DMRT1: variants seen among roughly 807,000 people sequenced by gnomAD.
DMRT1 encodes doublesex and mab-3 related transcription factor 1, also known as doublesex- and mab-3-related transcription factor 1.
In DMRT1, 7 loss-of-function variants were observed where a neutral mutation model predicts 32.3. The observed-to-expected ratio is 0.22, with a 90% confidence interval of 0.12 to 0.41. The LOEUF (loss-of-function observed/expected upper bound fraction) is 0.41. Among genes scored for constraint, DMRT1 ranks in the 10% least tolerant of loss-of-function variants. The probability of loss-of-function intolerance (pLI) is 1.00; values close to 1 mark genes in which losing one functional copy is unlikely to be tolerated. For synonymous variants in DMRT1, 278 were observed against 206.1 expected, an observed-to-expected ratio of 1.35 and a Z score of -2.99; for missense variants, 625 against 500.5, an observed-to-expected ratio of 1.25 and a Z score of -2.37.
intron 3 of DMRT1, chr9:894,484 AATTTTACTTTTCTC>A (rs1195545396): frequency 4.2e-6 from 2 of 474,894 alleles, no homozygotes. Context: ...TTCTTTTTCA[AATTTTACTTTTCTC>A]ATTTTTTGAA....
intron 2 of DMRT1, among the ~76,000 whole-genome samples, chr9:863,834 G>C (rs948952785): frequency 6.6e-6 from 1 of 152,274 alleles, no homozygotes; most frequent in Admixed American, 6.5e-5. Flanking sequence ...ATGTTTAAAG[G>C]CCATTTGTAT....
At chr9:848,195 T>C (rs1458328452) in intron 2 of DMRT1, among the ~76,000 whole-genome samples, 2 of 152,212 alleles carry the variant, frequency 1.3e-5, no homozygotes, top group Non-Finnish European at 2.9e-5. Flanking sequence ...TTAAGCACTG[T>C]GTACTAAAGT....
chr9:921,669 A>G (rs1564252643), intron 4 of DMRT1, among the ~76,000 whole-genome samples: 4 of 152,162 alleles, frequency 2.6e-5, no homozygotes, highest in Admixed American at 2.0e-4. Flanking sequence ...ATTTAAAAAA[A>G]CAGTTTCCAG....
intron 2 of DMRT1, among the ~76,000 whole-genome samples, chr9:879,368 T>C (rs1816639562): frequency 6.6e-6 from 1 of 152,172 alleles, no homozygotes; most frequent in Admixed American, 6.5e-5. Flanking sequence ...TCAATAAAAA[T>C]TACTACATTT....
At chr9:853,880 C>T (rs75562184) in intron 2 of DMRT1, among the ~76,000 whole-genome samples, 15,207 of 152,066 alleles carry the variant, frequency 0.1, 937 homozygotes, top group East Asian at 0.17. Flanking sequence ...ACTGCATCCT[C>T]CAACTCCTAG....
chr9:899,219 A>G (rs1398842821), intron 3 of DMRT1, among the ~76,000 whole-genome samples: 2 of 152,072 alleles, frequency 1.3e-5, no homozygotes, highest in Non-Finnish European at 2.9e-5. Flanking sequence ...TTGTATTAAA[A>G]CCAACAACTC....
At chr9:894,446 T>C (rs1817275653) in intron 3 of DMRT1, 1 of 566,530 alleles carries the variant, frequency 1.8e-6, no homozygotes, top group East Asian at 3.0e-5. Flanking sequence ...CTGCAAGGAA[T>C]TGGAAAGAAA....
intron 4 of DMRT1, among the ~76,000 whole-genome samples, chr9:934,246 G>C (rs1818816025): frequency 6.6e-6 from 1 of 151,406 alleles, no homozygotes; most frequent in African/African-American, 2.5e-5. Flanking sequence ...CCCATTTCGT[G>C]AGTGGCCTCT....
chr9:876,678 C>T (rs965263469), intron 2 of DMRT1, among the ~76,000 whole-genome samples: 4 of 152,058 alleles, frequency 2.6e-5, no homozygotes, highest in Non-Finnish European at 4.4e-5. Flanking sequence ...TCTATAGGCT[C>T]GTGCCACTAT....
At chr9:923,064 G>A (rs1818406640) in intron 4 of DMRT1, among the ~76,000 whole-genome samples, 2 of 152,144 alleles carry the variant, frequency 1.3e-5, no homozygotes, top group Non-Finnish European at 2.9e-5. Flanking sequence ...TGATTTCACT[G>A]ATACCATAGG....
At chr9:878,144 A>C (rs1489580469) in intron 2 of DMRT1, among the ~76,000 whole-genome samples, 5 of 152,070 alleles carry the variant, frequency 3.3e-5, no homozygotes, top group Non-Finnish European at 7.3e-5. Context: ...ATGAACATTG[A>C]ATAGCACATT....
At chr9:860,187 C>T (rs1341157912) in intron 2 of DMRT1, among the ~76,000 whole-genome samples, 1 of 152,108 alleles carries the variant, frequency 6.6e-6, no homozygotes, top group Non-Finnish European at 1.5e-5. Context: ...GTCCTAGCTA[C>T]TTGGGAGGCT....
At chr9:869,202 A>T (rs577190381) in intron 2 of DMRT1, among the ~76,000 whole-genome samples, 2 of 152,262 alleles carry the variant, frequency 1.3e-5, no homozygotes, top group African/African-American at 4.8e-5. Context: ...AATTTCAAGG[A>T]TATTCTACTA....
chr9:933,572 A>T (rs930713803), intron 4 of DMRT1, among the ~76,000 whole-genome samples: 7 of 152,110 alleles, frequency 4.6e-5, no homozygotes, highest in Non-Finnish European at 7.4e-5. Flanking sequence ...AGGCTGTCAA[A>T]CCAGCATTGA....
intron 2 of DMRT1, among the ~76,000 whole-genome samples, chr9:861,722 G>A (rs1192295179): frequency 6.6e-6 from 1 of 151,432 alleles, no homozygotes; most frequent in Non-Finnish European, 1.5e-5. Context: ...CGGCTGGCCG[G>A]GCAGGGGCTG....
At chr9:874,574 T>C (rs1816413813) in intron 2 of DMRT1, among the ~76,000 whole-genome samples, 1 of 152,166 alleles carries the variant, frequency 6.6e-6, no homozygotes, top group Non-Finnish European at 1.5e-5. Context: ...ATAAACTCCC[T>C]GCTCCTAGTT....
chr9:877,046 C>A (rs891716812), intron 2 of DMRT1, among the ~76,000 whole-genome samples: 1 of 132,404 alleles, frequency 7.6e-6, no homozygotes, highest in Non-Finnish European at 1.5e-5. Context: ...CCACTTGAAC[C>A]TCTCTGGGTG....
At chr9:849,760 A>C (rs1259315767) in intron 2 of DMRT1, among the ~76,000 whole-genome samples, 1 of 151,206 alleles carries the variant, frequency 6.6e-6, no homozygotes, top group Admixed American at 6.6e-5. Flanking sequence ...TCATTTGCTC[A>C]GGCACAGGTG....
Position 944,071 on chromosome 9 carries a change from C to A in DMRT1, c.968-23914C>A, listed in dbSNP as rs557881324. Among the ~76,000 whole-genome samples, 3 of 152,306 alleles carry A rather than the reference C, an allele frequency of 2.0e-5. No homozygotes were observed. In the East Asian group the frequency reaches 5.8e-4, roughly 29 times the overall value. Reference sequence around the variant, plus strand: ...CATTTGACTTGGGCAAATTTCTTCCCCTCTCTAAACCTTAGTTTTCCTGAC... The same window carrying A: ...CATTTGACTTGGGCAAATTTCTTCCACTCTCTAAACCTTAGTTTTCCTGAC... On this transcript the variant is annotated intron_variant, in intron 4 of 4. Coordinates refer to ENST00000382276, the MANE Select transcript of DMRT1 (RefSeq NM_021951.3).
Sources: allele counts gnomAD v4.1 joint callset (sites outside exome capture counted in the v4.1 genomes callset), GRCh38; gene constraint gnomAD v4.1.1; transcripts MANE v1.5; gene names NCBI Gene and HGNC (gene_info 2026-07-23, HGNC 2026-07-21).